Variants in CCT3 observed in about 807,000 individuals in gnomAD.
CCT3 encodes the protein chaperonin containing TCP1 subunit 3, also known as T-complex protein 1 subunit gamma.
A neutral mutation model predicts 65.3 loss-of-function variants in CCT3; 10 were observed. The ratio of observed to expected loss-of-function variants is 0.15; its 90% CI spans 0.09 to 0.26. The LOEUF (loss-of-function observed/expected upper bound fraction) is 0.26. Ranked by LOEUF, CCT3 falls within the 10% of genes least tolerant of loss-of-function variation. The probability of loss-of-function intolerance (pLI) is 1.00; values close to 1 mark genes in which losing one functional copy is unlikely to be tolerated. For missense variants in CCT3, 626 were observed against 708.7 expected, an observed-to-expected ratio of 0.88 and a Z score of 1.33; for synonymous variants, 225 against 242.3, an observed-to-expected ratio of 0.93 and a Z score of 0.66.
chr1:156,324,766 G>A (rs1455155892), intron 6 of CCT3, among the ~76,000 whole-genome samples: 2 of 151,252 alleles, frequency 1.3e-5, no homozygotes, highest in Admixed American at 6.6e-5. Context: ...TAGCTGGGAC[G>A]ACACGCATGC....
chr1:156,309,262 G>A lies in CCT3; in HGVS notation c.1575C>T (p.Gly525=). The A allele has an allele frequency of 6.2e-7, 1 of 1,614,016 alleles. No individual in the cohort carries two copies. The highest frequency in any genetic ancestry group is 8.5e-7 in the Non-Finnish European group (1 of 1,179,946). Residue 525 remains glycine (G), a synonymous_variant, in exon 14 of 14, where the codon GGC becomes GGT. Transcript: ENST00000295688. ...LLLRIDDIVS[G]HKKKGDDQSR... is the part of the protein sequence containing the mutation. ...TCTGGTCATCGCCTTTCTTTTTGTG[G>A]CCTGAAACGATGTCATCAATTCGCA...
intron 1 of CCT3, 110 bp from the exon 2 acceptor site, chr1:156,335,998 C>T (rs1665329726): frequency 2.6e-6 from 2 of 756,358 alleles, no homozygotes; most frequent in Admixed American, 5.1e-5. Context: ...GGTATATCCA[C>T]AGAGCAAAGC....
chr1:156,327,192 C>T (rs1367351486), intron 5 of CCT3, among the ~76,000 whole-genome samples: 11 of 152,106 alleles, frequency 7.2e-5, no homozygotes, highest in African/African-American at 1.4e-4. Context: ...TTGTCAAAAG[C>T]CTTTTGCACA....
At chr1:156,320,413 A>AAAAC (rs1029600996) in intron 7 of CCT3, among the ~76,000 whole-genome samples, 1 of 152,124 alleles carries the variant, frequency 6.6e-6, no homozygotes, top group African/African-American at 2.4e-5. Flanking sequence ...CCATCTCAAA[A>AAAAC]AAACAAACAA....
At chr1:156,336,106 C>A (rs1471809752) in intron 1 of CCT3, 5 of 429,010 alleles carry the variant, frequency 1.2e-5, no homozygotes, top group Non-Finnish European at 2.1e-5. Flanking sequence ...TAACTTCCTT[C>A]TGTATTTCAA....
Position 156,310,994 on chromosome 1 carries a change from G to T in CCT3, c.1357C>A (p.Gln453Lys). 1 of 1,614,154 alleles carries T rather than the reference G, an allele frequency of 6.2e-7. No individual in the cohort carries two copies. Among genetic ancestry groups the T allele is most frequent in the Non-Finnish European group, 8.5e-7 (1 of 1,180,020 alleles). ...CGGATGGTGCTGGCCCCACAGTTCT[G>T]GATCAGGGTACGAGGAATGACCTCT... ...ALEVIPRTLI[Q>K]NCGASTIRLL... Residue 453 changes from glutamine to lysine, a missense_variant, in exon 12 of 14, where the codon CAG becomes AAG. Physicochemically the swap from Gln to Lys is moderately conservative, Grantham distance 53. Coordinates refer to ENST00000295688, the MANE Select transcript of CCT3 (RefSeq NM_005998.5).
intron 5 of CCT3, among the ~76,000 whole-genome samples, chr1:156,325,757 A>C (rs1401195973): frequency 1.3e-5 from 2 of 151,672 alleles, no homozygotes; most frequent in African/African-American, 4.8e-5. Flanking sequence ...TTTGTACTTT[A>C]TTAGTAGAGA....
At chr1:156,330,440 T>C (rs781135256) in intron 5 of CCT3, among the ~76,000 whole-genome samples, 9 of 152,128 alleles carry the variant, frequency 5.9e-5, no homozygotes, top group Admixed American at 3.3e-4. Flanking sequence ...GGTGGGTGGA[T>C]GACCTGAGGT....
intron 10 of CCT3, among the ~76,000 whole-genome samples, chr1:156,314,076 ACT>A (rs1212788769): frequency 6.6e-5 from 8 of 122,092 alleles, no homozygotes; most frequent in African/African-American, 2.7e-4. Context: ...ACAGAGCGAG[ACT>A]CTGTCTCCAA....
At chr1:156,336,811 C>G (rs1665396045) in intron 1 of CCT3, among the ~76,000 whole-genome samples, 1 of 152,138 alleles carries the variant, frequency 6.6e-6, no homozygotes, top group African/African-American at 2.4e-5. Flanking sequence ...AACCAAAACA[C>G]CCACAATGCT....
intron 1 of CCT3, among the ~76,000 whole-genome samples, chr1:156,336,671 C>T (rs1665384861): frequency 6.6e-6 from 1 of 152,182 alleles, no homozygotes; most frequent in Admixed American, 6.6e-5. Flanking sequence ...ACACCACTCA[C>T]CCCCAGGCCA....
At chr1:156,324,652 G>A (rs1481161975) in intron 6 of CCT3, among the ~76,000 whole-genome samples, 4 of 151,030 alleles carry the variant, frequency 2.6e-5, no homozygotes, top group Admixed American at 2.0e-4. Flanking sequence ...TTTTTGAGAC[G>A]GAGTCTTGCT....
In CCT3 at chr1:156,318,926, T is replaced by C; in HGVS notation, c.701A>G (p.Lys234Arg). Residue 234 changes from lysine to arginine, a missense_variant, in exon 8 of 14, where the codon AAG becomes AGG. Coordinates refer to ENST00000295688, the MANE Select transcript of CCT3 (RefSeq NM_005998.5). ...ATCCAGCAGCACAATGCGAGGGTTC[T>C]TGATATAGCGCCGCATACGTGGATG... ...VTHPRMRRYI[K>R]NPRIVLLDSS... 3 of 1,614,166 alleles carry C rather than the reference T, an allele frequency of 1.9e-6. No individual in the cohort carries two copies. The highest frequency in any genetic ancestry group is 1.7e-4 in the Middle Eastern group (1 of 6,058).
intron 2 of CCT3, 63 bp from the exon 3 acceptor site, chr1:156,334,981 A>C (rs1157549076): frequency 1.4e-6 from 2 of 1,443,216 alleles, no homozygotes; most frequent in Non-Finnish European, 1.9e-6. Flanking sequence ...GAAATGTTGG[A>C]GTAATAGGGA....
In CCT3 at chr1:156,311,114, C is replaced by T; in HGVS notation, c.1237G>A (p.Ala413Thr). The change falls in exon 12 of 14, where the codon GCC (alanine) becomes ACC (threonine). Residue 413 changes from alanine (A) to threonine (T), a missense_variant. Transcript: ENST00000295688. ...LDPQLVPGGG[A>T]SEMAVAHALT... ...GCATGGGCCACAGCCATCTCGGAGGCCCCACCCCCTGGCACCAGCTGAGGG... is the reference window on the plus strand; with the variant it reads ...GCATGGGCCACAGCCATCTCGGAGGTCCCACCCCCTGGCACCAGCTGAGGG... The T allele has an allele frequency of 6.2e-7, 1 of 1,614,150 alleles. No homozygotes were observed. The highest frequency in any genetic ancestry group is 8.5e-7 in the Non-Finnish European group (1 of 1,180,010).
At chr1:156,325,263 A>C (rs1664750122) in intron 5 of CCT3, among the ~76,000 whole-genome samples, 174 bp from the exon 6 acceptor site, 1 of 152,240 alleles carries the variant, frequency 6.6e-6, no homozygotes. Context: ...CAATTTATAC[A>C]GAAAACATCC....
At chr1:156,327,861 G>A (rs546320966) in intron 5 of CCT3, among the ~76,000 whole-genome samples, 4,157 of 148,176 alleles carry the variant, frequency 0.028, 72 homozygotes, top group Middle Eastern at 0.052. Flanking sequence ...CTGCCCGGCC[G>A]CCCATCGTCT....
intron 13 of CCT3, 87 bp downstream of exon 13, chr1:156,310,471 G>A: frequency 1.9e-6 from 2 of 1,034,120 alleles, no homozygotes; most frequent in Non-Finnish European, 1.3e-6. Context: ...TCCAGCCTGG[G>A]TGACTGAGAC....
Position 156,325,049 on chromosome 1 carries a change from C to T in CCT3, c.345G>A (p.Gln115=). The stretch of plus-strand genomic sequence containing the variant: ...TGATCACCACTGTTGGGTGCATCTG[C>T]TGCTCCAGGAAGTGCTCAGCTACAG... The part of the protein sequence containing the change: ...MLSVAEHFLE[Q]QMHPTVVISA... Residue 115 remains glutamine (Q), a synonymous_variant, in exon 6 of 14, where the codon CAG becomes CAA. Transcript: ENST00000295688. The T allele has an allele frequency of 6.2e-7, 1 of 1,613,582 alleles. No homozygotes were observed. The highest frequency in any genetic ancestry group is 1.1e-5 in the South Asian group (1 of 91,082).
Sources: gnomAD v4.1 joint callset for allele counts (sites outside exome capture counted in the v4.1 genomes callset) on GRCh38, gnomAD v4.1.1 for gene constraint, MANE v1.5 for transcripts, NCBI Gene and HGNC (gene_info 2026-07-23, HGNC 2026-07-21) for gene names.